Variants in GHRL observed in about 807,000 individuals in gnomAD.
GHRL encodes the protein ghrelin and obestatin prepropeptide.
GHRL carries 24 observed loss-of-function variants against 16.9 expected under a neutral mutation model. The ratio of observed to expected loss-of-function variants is 1.42; its 90% CI spans 1.03 to 2.00. GHRL has a LOEUF of 2.00. GHRL is among the 30% of genes most tolerant of loss of function. The pLI, the probability that GHRL is intolerant of heterozygous loss-of-function variation, is 0.00. For missense variants in GHRL, 193 were observed against 142.1 expected, an observed-to-expected ratio of 1.36 and a Z score of -1.82; for synonymous variants, 63 against 58.2, an observed-to-expected ratio of 1.08 and a Z score of -0.37.
At position 10,289,882 on chromosome 3, in the gene GHRL, G is replaced by T; in HGVS notation, c.109-4C>A. The T allele has an allele frequency of 6.2e-7, 1 of 1,604,152 alleles. No individual in the cohort carries two copies. The highest frequency in any genetic ancestry group is 8.5e-7 in the Non-Finnish European group (1 of 1,171,694). The stretch of plus-strand genomic sequence containing the variant: ...GCTTCTTCGACTCCTTTCTCTGCTG[G>T]AAGGGGGAAACAGTCTGTTTAGGAC... On this transcript the variant is annotated splice_polypyrimidine_tract_variant and splice_region_variant and intron_variant, in intron 3 of 5. Transcript: ENST00000335542.
At chr3:10,286,941 G>T in intron 4 of GHRL, 129 bp from the exon 5 acceptor site, 1 of 609,522 alleles carries the variant, frequency 1.6e-6, no homozygotes, top group South Asian at 1.9e-5. Context: ...GCCCCAGCAG[G>T]GACTGCTGAG....
chr3:10,287,012 T>C (rs143417671), intron 4 of GHRL, 200 bp from the exon 5 acceptor site: 19 of 520,338 alleles, frequency 3.7e-5, no homozygotes, highest in Non-Finnish European at 5.6e-5. Context: ...CCACTCACCA[T>C]CTTTCAGACA....
chr3:10,286,143 G>C (rs1699030253), intron 5 of GHRL, among the ~76,000 whole-genome samples: 1 of 152,188 alleles, frequency 6.6e-6, no homozygotes, highest in African/African-American at 2.4e-5. Context: ...AGGGGTGACG[G>C]GTCACCGCCT....
chr3:10,291,255 A>G lies in GHRL; in HGVS notation c.-569T>C. 1.0e-6 allele frequency: 1 copy of G among 985,448 alleles called. No individual in the cohort carries two copies. Among genetic ancestry groups the G allele is most frequent in the Non-Finnish European group, 1.2e-6 (1 of 829,916 alleles). 61.0% of individuals were successfully genotyped at this position (985,448 alleles called of 1,614,324 possible). ...GGAGTCCCACCTCCCGGTTGAGCAG[A>G]CTGCTCCTGATCATCCTCTCCAGAG... On this transcript the variant is annotated 5_prime_UTR_variant, in exon 2 of 6. Coordinates refer to ENST00000335542, the MANE Select transcript of GHRL (RefSeq NM_016362.5).
In GHRL at chr3:10,291,345, A is replaced by G; in HGVS notation, c.-659T>C. 3.0e-6 allele frequency: 3 copies of G among 985,490 alleles called. No individual in the cohort carries two copies. Among genetic ancestry groups the G allele is most frequent in the Non-Finnish European group, 3.6e-6 (3 of 829,974 alleles). 61.0% of individuals were successfully genotyped at this position (985,490 alleles called of 1,614,324 possible). On this transcript the variant is annotated 5_prime_UTR_variant, in exon 2 of 6. Transcript: ENST00000335542. The stretch of plus-strand genomic sequence containing the variant: ...AGTCATTTCTGCCAGGTGTGACATG[A>G]CTGCCTGGCCTGGCGTTTTTTCACA...
At chr3:10,290,387 TCTC>T in intron 2 of GHRL, 178 bp from the exon 3 acceptor site, 1 of 611,694 alleles carries the variant, frequency 1.6e-6, no homozygotes, top group Non-Finnish European at 2.8e-6. Flanking sequence ...TGTGTTCTCT[TCTC>T]CAAGGCCGTT....
intron 4 of GHRL, among the ~76,000 whole-genome samples, chr3:10,289,476 C>A (rs990859978): frequency 7.9e-5 from 12 of 152,250 alleles, no homozygotes; most frequent in African/African-American, 2.7e-4. Context: ...ACTGTATTTT[C>A]TGTCCCCTTT....
chr3:10,286,608 G>T, intron 5 of GHRL, 96 bp downstream of exon 5: 1 of 663,260 alleles, frequency 1.5e-6, no homozygotes, highest in South Asian at 1.8e-5. Flanking sequence ...AGTTCTTTTG[G>T]AGAGGCAGAG....
intron 2 of GHRL, 123 bp downstream of exon 2, chr3:10,290,593 G>T: frequency 3.0e-6 from 1 of 331,510 alleles, no homozygotes; most frequent in Non-Finnish European, 4.7e-6. Context: ...CTTCCAGCCA[G>T]ACAGTCCGAC....
At chr3:10,291,727 AG>A (rs1369224644) in intron 1 of GHRL, among the ~76,000 whole-genome samples, 20 of 152,212 alleles carry the variant, frequency 1.3e-4, no homozygotes, top group African/African-American at 4.8e-4. Flanking sequence ...CTGGGTGCCC[AG>A]GCAGGAACCC....
Position 10,285,703 on chromosome 3 carries a change from T to C in GHRL, c.*172A>G, listed in dbSNP as rs1559469484. On this transcript the variant is annotated 3_prime_UTR_variant, in exon 6 of 6. Coordinates refer to ENST00000335542, the MANE Select transcript of GHRL (RefSeq NM_016362.5). ...TTATTTTGATTTTTTTAAAGTAAAA[T>C]ATTAACTTTTCCTCTTTGAAATAAA... 2 of 574,762 alleles carry C rather than the reference T, an allele frequency of 3.5e-6. No homozygotes were observed. Among genetic ancestry groups the C allele is most frequent in the Non-Finnish European group, 3.2e-6 (1 of 314,648 alleles). 35.6% of individuals were successfully genotyped at this position (574,762 alleles called of 1,614,324 possible). A position where few individuals can be genotyped will look rare whatever the true frequency, so the allele number is the denominator to read the frequency against.
intron 4 of GHRL, among the ~76,000 whole-genome samples, chr3:10,289,324 C>T (rs746449908): frequency 1.3e-5 from 2 of 152,202 alleles, no homozygotes; most frequent in Admixed American, 6.5e-5. Flanking sequence ...CTGGCGCCAG[C>T]CCTCCCATCC....
Position 10,285,864 on chromosome 3 carries a change from C to G in GHRL, c.*11G>C, listed in dbSNP as rs945955425. 13 of 1,612,566 alleles carry G rather than the reference C, an allele frequency of 8.1e-6. No individual in the cohort carries two copies. Among genetic ancestry groups the G allele is most frequent in the Non-Finnish European group, 1.1e-5 (13 of 1,178,770 alleles). ...TAAACTTAGAGAGAGGTGAGTAAGG[C>G]TTGTGGGCGATCACTTGTCGGCTGG... On this transcript the variant is annotated 3_prime_UTR_variant, in exon 6 of 6. Transcript: ENST00000335542.
At chr3:10,287,159 T>C (rs1699206161) in intron 4 of GHRL, 1 of 180,972 alleles carries the variant, frequency 5.5e-6, no homozygotes, top group Non-Finnish European at 1.2e-5. Flanking sequence ...AATGGCAGCA[T>C]TTCAGGCCCT....
At chr3:10,286,838 A>G (rs963222309) in intron 4 of GHRL, 26 bp from the exon 5 acceptor site, 1 of 1,359,308 alleles carries the variant, frequency 7.4e-7, no homozygotes, top group African/African-American at 1.4e-5. Context: ...GGGAGGACCC[A>G]GGAGATGTCA....
At position 10,289,066 on chromosome 3, in the gene GHRL, C is replaced by T. The variant is rs1036578558; in HGVS notation, c.225+696G>A. ...TAATAGCTGCCATTATTAAGTGCTA[C>T]CTTGGGGGAATCCTGCCTTAGCTGC... On this transcript the variant is annotated intron_variant, in intron 4 of 5. Transcript: ENST00000335542. 1.8e-4 allele frequency among the ~76,000 whole-genome samples: 27 copies of T among 152,148 alleles called. 1 individual carries two copies. The highest frequency in any genetic ancestry group is 5.8e-4 in the African/African-American group (24 of 41,418).
intron 1 of GHRL, 170 bp downstream of exon 1, chr3:10,292,672 C>T: frequency 1.7e-6 from 1 of 577,078 alleles, no homozygotes; most frequent in African/African-American, 1.9e-5. Context: ...ATCTTTTGGC[C>T]CTGGAGCCCA....
chr3:10,289,366 G>A (rs530719925), intron 4 of GHRL, among the ~76,000 whole-genome samples: 1 of 152,142 alleles, frequency 6.6e-6, no homozygotes, highest in Admixed American at 6.5e-5. Flanking sequence ...CCACCCCACA[G>A]TCCAGGCCCT....
rs546895782 is a variant in GHRL at position 10,289,194 on chromosome 3, C to G, written c.225+568G>C. On this transcript the variant is annotated intron_variant, in intron 4 of 5. Transcript: ENST00000335542. ...CCGTAAAATCCTTTACTCCCTCCTC[C>G]TCTCCATCCTTGGGTTGTCTTAACT... 1.0e-3 allele frequency among the ~76,000 whole-genome samples: 157 copies of G among 152,352 alleles called. 1 individual carries two copies. Among genetic ancestry groups the G allele is most frequent in the African/African-American group, 3.6e-3 (151 of 41,596 alleles).
Sources: allele counts gnomAD v4.1 joint callset (sites outside exome capture counted in the v4.1 genomes callset), GRCh38; gene constraint gnomAD v4.1.1; transcripts MANE v1.5; gene names NCBI Gene and HGNC (gene_info 2026-07-23, HGNC 2026-07-21).